ZNF331: variants seen among roughly 807,000 people sequenced by gnomAD.
The protein encoded by ZNF331 is zinc finger protein 331, also known as C2H2-like zinc finger protein rearranged in thyroid adenomas.
In ZNF331, 2 loss-of-function variants were observed where a neutral mutation model predicts 7.0. The ratio of observed to expected loss-of-function variants is 0.29; its 90% confidence interval spans 0.12 to 0.90. The LOEUF (loss-of-function observed/expected upper bound fraction) is 0.90. Among genes scored for constraint, ZNF331 ranks in the 40% least tolerant of loss-of-function variants. The pLI is 0.58. For synonymous variants in ZNF331, 196 were observed against 205.4 expected (o/e 0.95, Z 0.39); for missense variants, 432 against 587.7 (o/e 0.74, Z 2.74).
At chr19:53,507,628 G>A in the ZNF331 span, among the ~76,000 whole-genome samples, 3 of 152,140 alleles carry the variant, frequency 2.0e-5, no homozygotes, top group South Asian at 2.1e-4. Flanking sequence ...GATTCCTCAC[G>A]GTGGCCACAG....
In ZNF331 at chr19:53,538,160, TACGAGG is replaced by T. The variant is rs2087865480; in HGVS notation, c.-340_-335del. On this transcript the variant is annotated 5_prime_UTR_variant, in exon 1 of 6. Coordinates refer to ENST00000449416, the MANE Select transcript of ZNF331 (RefSeq NM_001079906.2). ...AGTGTGTGACGCACTTGCGTGGGAG[TACGAGG>T]CTGACGCGGCGGCCCTGTCCCCGTA... The T allele has an allele frequency of 6.6e-6, 1 of 151,532 alleles. No individual in the cohort carries two copies. The highest frequency in any genetic ancestry group is 1.5e-5 in the Non-Finnish European group (1 of 67,940). The allele number at this position is 151,532 out of a possible 1,614,324, so 9.4% of individuals were successfully genotyped here.
chr19:53,565,352 A>AT (rs1241907016), intron 3 of ZNF331, among the ~76,000 whole-genome samples: 1 of 151,768 alleles, frequency 6.6e-6, no homozygotes, highest in African/African-American at 2.4e-5. Flanking sequence ...ACCTTAGGTA[A>AT]TTTTTTTCCT....
chr19:53,526,447 G>T (rs1247566565), intron 2 of ZNF331, among the ~76,000 whole-genome samples: 1 of 152,106 alleles, frequency 6.6e-6, no homozygotes, highest in Non-Finnish European at 1.5e-5. Context: ...CCTGTTGTTA[G>T]TGTGTTCAGA....
chr19:53,527,601 C>G (rs1036239930), intron 2 of ZNF331, among the ~76,000 whole-genome samples: 2 of 152,174 alleles, frequency 1.3e-5, no homozygotes, highest in East Asian at 3.8e-4. Context: ...GTCTCCCACT[C>G]CCCCACTAAA....
At chr19:53,544,232 A>G (rs536363686) in intron 2 of ZNF331, among the ~76,000 whole-genome samples, 298 of 149,414 alleles carry the variant, frequency 2.0e-3, no homozygotes, top group Middle Eastern at 7.2e-3. Flanking sequence ...TCAAAAAAAA[A>G]AAAAAATTCT....
exon 1 of ZNF331, chr19:53,521,940 C>G (rs8100338): frequency 0.32 from 48,529 of 151,996 alleles, 7,895 homozygotes; most frequent in Middle Eastern, 0.42. Context: ...GTGAGAGGCT[C>G]TACGCTATTG....
rs529591737 is a variant in ZNF331 at position 53,531,322 on chromosome 19, G to A, written c.-204-7894G>A. ...CATCCTTTCCAAAGAGGTGTTGGGGGTTCATACAGGGATATCCCTCAATGT... is the reference window on the plus strand; with the variant it reads ...CATCCTTTCCAAAGAGGTGTTGGGGATTCATACAGGGATATCCCTCAATGT... On this transcript the variant is annotated intron_variant, in intron 2 of 6. Coordinates refer to the ZNF331 transcript ENST00000253144. Among the ~76,000 whole-genome samples the A allele has an allele frequency of 1.2e-3, 184 of 152,228 alleles. 2 individuals carry two copies. The highest frequency in any genetic ancestry group is 3.6e-3 in the Admixed American group (55 of 15,286).
At chr19:53,574,864 T>C (rs888681947) in intron 5 of ZNF331, among the ~76,000 whole-genome samples, 2 of 152,206 alleles carry the variant, frequency 1.3e-5, no homozygotes, top group African/African-American at 4.8e-5. Context: ...AGTGGCACTG[T>C]TCATATTGGA....
In ZNF331 at chr19:53,539,876, G is replaced by A. The variant is rs1042893372; in HGVS notation, c.-138+594G>A. The stretch of plus-strand genomic sequence containing the variant: ...GGAAATGGTTAAGTAATTATACCAC[G>A]TTCATTTCATGGAATACTCTGCAGC... On this transcript the variant is annotated intron_variant, in intron 2 of 5. Transcript: ENST00000449416. The surrounding 1 kb of genome is among the most constrained non-coding windows in gnomAD (Gnocchi z 6.1). Among the ~76,000 whole-genome samples the A allele has an allele frequency of 1.3e-5, 2 of 152,066 alleles. No homozygotes were observed. The highest frequency in any genetic ancestry group is 2.4e-5 in the African/African-American group (1 of 41,396).
intron 5 of ZNF331, among the ~76,000 whole-genome samples, chr19:53,572,536 C>T (rs2090496403): frequency 1.6e-5 from 2 of 127,610 alleles, no homozygotes; most frequent in African/African-American, 6.9e-5. Flanking sequence ...TATATATATA[C>T]ACACACATAT....
chr19:53,568,509 T>G (rs1017987033), intron 3 of ZNF331, among the ~76,000 whole-genome samples: 9 of 152,158 alleles, frequency 5.9e-5, no homozygotes, highest in African/African-American at 2.2e-4. Context: ...CAGCTGATAC[T>G]GCGTGACCAA....
At chr19:53,538,860 C>G (rs2087924827) in intron 1 of ZNF331, 1 of 152,390 alleles carries the variant, frequency 6.6e-6, no homozygotes. Context: ...CCTAACCAAG[C>G]GGTACCTGCC....
Position 53,572,098 on chromosome 19 carries a change from A to G in ZNF331, c.136+368A>G, listed in dbSNP as rs149619371. Among the ~76,000 whole-genome samples the G allele has an allele frequency of 4.6e-3, 707 of 152,260 alleles. 4 individuals are homozygous for G. The highest frequency in any genetic ancestry group is 0.016 in the African/African-American group (679 of 41,536). ...CTAGGGACCCACGTCTAGGGAAAACATGTGGACACAGTGCCCTGAATTGTT... is the reference window on the plus strand; with the variant it reads ...CTAGGGACCCACGTCTAGGGAAAACGTGTGGACACAGTGCCCTGAATTGTT... On this transcript the variant is annotated intron_variant, in intron 5 of 5. Transcript: ENST00000449416.
chr19:53,558,972 C>CACATATACACACACCATATACACACCAT lies in ZNF331; in HGVS notation c.-74+3067_-74+3068insTATACACACACCATATACACACCATACA, dbSNP rs1169831674. Among the ~76,000 whole-genome samples the CACATATACACACACCATATACACACCAT allele has an allele frequency of 2.1e-3, 150 of 71,072 alleles. No individual in the cohort carries two copies. The highest frequency in any genetic ancestry group is 5.3e-3 in the African/African-American group (141 of 26,498). The allele number at this position is 71,072 out of a possible 152,430, so 46.6% of individuals were successfully genotyped here. ...ATACACATACCATATACACACCATACACACATATACACACACATACCCCAT... is the reference window on the plus strand; with the variant it reads ...ATACACATACCATATACACACCATACACATATACACACACCATATACACACCATACACATATACACACACATACCCCAT... On this transcript the variant is annotated intron_variant, in intron 3 of 5. Coordinates refer to ENST00000449416, the MANE Select transcript of ZNF331 (RefSeq NM_001079906.2). This position sits in a 1 kb window ranked among gnomAD's most constrained non-coding sequence, Gnocchi z 4.5.
chr19:53,577,549 A>C lies in ZNF331; in HGVS notation c.989A>C (p.Lys330Thr), dbSNP rs553000280. The change falls in exon 6 of 6, where the codon AAG becomes ACG. Residue 330 changes from lysine (K) to threonine (T), a missense_variant. Lys to Thr is a moderately conservative substitution (Grantham distance 78, BLOSUM62 -1). Coordinates refer to ENST00000449416, the MANE Select transcript of ZNF331 (RefSeq NM_001079906.2). The part of the protein sequence containing the change: ...IHTGEKPHEC[K>T]ECGKAFRWGS... Reference sequence around the variant, plus strand: ...ACCGGTGAGAAGCCTCACGAATGTAAGGAGTGTGGGAAGGCCTTTCGCTGG... The same window carrying C: ...ACCGGTGAGAAGCCTCACGAATGTACGGAGTGTGGGAAGGCCTTTCGCTGG... 1.2e-6 allele frequency: 2 copies of C among 1,612,896 alleles called. No homozygotes were observed. The highest frequency in any genetic ancestry group is 2.7e-5 in the African/African-American group (2 of 74,948).
intron 4 of ZNF331, among the ~76,000 whole-genome samples, chr19:53,569,952 A>G (rs888788901): frequency 1.3e-5 from 2 of 151,792 alleles, no homozygotes; most frequent in African/African-American, 2.4e-5. Context: ...TGACATCCTT[A>G]TCCTCTAAAT....
chr19:53,508,287 A>G, the ZNF331 span, among the ~76,000 whole-genome samples: 1 of 151,998 alleles, frequency 6.6e-6, no homozygotes, highest in African/African-American at 2.4e-5. Flanking sequence ...TGGACTTTTG[A>G]CCCACTTCTG....
At chr19:53,567,367 G>A (rs2090205953) in intron 3 of ZNF331, among the ~76,000 whole-genome samples, 1 of 152,010 alleles carries the variant, frequency 6.6e-6, no homozygotes, top group African/African-American at 2.4e-5. Context: ...TGTCTGGAGG[G>A]GCCAGGGTAG....
intron 2 of ZNF331, among the ~76,000 whole-genome samples, chr19:53,528,812 T>A (rs573436107): frequency 1.3e-5 from 2 of 151,730 alleles, no homozygotes; most frequent in South Asian, 4.2e-4. Context: ...TGAGACAGAG[T>A]CTCGCTCTGT....
Sources: allele counts gnomAD v4.1 joint callset (sites outside exome capture counted in the v4.1 genomes callset), GRCh38; gene constraint gnomAD v4.1.1; non-coding constraint Gnocchi (gnomAD v3.1); transcripts MANE v1.5; gene names NCBI Gene and HGNC (gene_info 2026-07-23, HGNC 2026-07-21).